The following PLXNC1 variants were observed in gnomAD, a reference collection of about 807,000 sequenced individuals.
PLXNC1 encodes the protein plexin-C1.
A neutral mutation model predicts 178.2 loss-of-function variants in PLXNC1; 75 were observed. The ratio of observed to expected loss-of-function variants is 0.42; its 90% CI spans 0.35 to 0.51. The LOEUF (loss-of-function observed/expected upper bound fraction) is 0.51. Among genes scored for constraint, PLXNC1 ranks in the 20% least tolerant of loss-of-function variants. The pLI is 0.02. For missense variants in PLXNC1, 1,503 were observed against 1,984.4 expected (o/e 0.76, Z 4.61); for synonymous variants, 790 against 779.9 (o/e 1.01, Z -0.22).
At chr12:94,232,550 A>G (rs1280657242) in intron 9 of PLXNC1, among the ~76,000 whole-genome samples, 1 of 152,202 alleles carries the variant, frequency 6.6e-6, no homozygotes, top group Non-Finnish European at 1.5e-5. Flanking sequence ...ATTAACTTAC[A>G]ATCATTCATT....
rs569139826 is a variant in PLXNC1 at position 94,213,088 on chromosome 12, G to A, written c.1554+3384G>A. Among the ~76,000 whole-genome samples, 126 of 152,308 alleles carry A rather than the reference G, an allele frequency of 8.3e-4. 1 individual carries two copies. Among genetic ancestry groups the A allele is most frequent in the Middle Eastern group, 6.8e-3 (2 of 294 alleles). On this transcript the variant is annotated intron_variant, in intron 5 of 30. Transcript: ENST00000258526. The stretch of plus-strand genomic sequence containing the variant: ...TGGGTTGGTTCCAAGTCTTTGCTAT[G>A]GTGAATAGTGCTGCAATATACTTAC...
At chr12:94,252,208 C>T (rs1198200358) in intron 15 of PLXNC1, among the ~76,000 whole-genome samples, 1 of 152,064 alleles carries the variant, frequency 6.6e-6, no homozygotes. Context: ...TCTTGACCAC[C>T]CCCCACCACC....
intron 11 of PLXNC1, among the ~76,000 whole-genome samples, chr12:94,242,806 C>T (rs1964425988): frequency 1.3e-5 from 2 of 152,310 alleles, no homozygotes; most frequent in South Asian, 4.1e-4. Context: ...TTTATGAGAT[C>T]TGCTATGGCT....
intron 14 of PLXNC1, among the ~76,000 whole-genome samples, chr12:94,250,847 C>T (rs1167851011): frequency 1.3e-5 from 2 of 151,800 alleles, no homozygotes; most frequent in African/African-American, 2.4e-5. Flanking sequence ...AGTGAGACCC[C>T]GTCTCTACAA....
chr12:94,200,910 G>A (rs148644651), intron 4 of PLXNC1, among the ~76,000 whole-genome samples: 25 of 152,270 alleles, frequency 1.6e-4, no homozygotes, highest in Non-Finnish European at 3.1e-4. Flanking sequence ...TTTCCACCAC[G>A]CCAGTGAACA....
In PLXNC1 at chr12:94,247,943, C is replaced by A. The variant is rs753072034; in HGVS notation, c.2429C>A (p.Ala810Asp). The A allele has an allele frequency of 1.2e-6, 2 of 1,613,996 alleles. No homozygotes were observed. Among genetic ancestry groups the A allele is most frequent in the East Asian group, 2.2e-5 (1 of 44,874 alleles). The change falls in exon 13 of 31, where the codon GCC (alanine) becomes GAC (aspartate). Residue 810 changes from alanine (A) to aspartate (D), a missense_variant. This residue lies in a region of PLXNC1 where 639 missense variants were observed against 979.7 expected (regional missense o/e 0.65). Coordinates refer to ENST00000258526, the MANE Select transcript of PLXNC1 (RefSeq NM_005761.3). ...GTGGCGACTTACTGCGGGTTTTTAG[C>A]CCCCAGTTTAAAGAGTTCAAAAGTG... Reference protein sequence around the residue: ...YCVATYCGFLAPSLKSSKVRT... With the variant: ...YCVATYCGFLDPSLKSSKVRT...
intron 1 of PLXNC1, among the ~76,000 whole-genome samples, 161 bp downstream of exon 1, chr12:94,150,194 C>T (rs79472840): frequency 0.051 from 7,694 of 152,232 alleles, 243 homozygotes; most frequent in Middle Eastern, 0.068. Context: ...CCGAAGGCTC[C>T]TCTCGGACGG....
intron 20 of PLXNC1, among the ~76,000 whole-genome samples, chr12:94,263,188 TCCTCCCCCACCG>T (rs1300573095): frequency 1.3e-5 from 2 of 151,830 alleles, no homozygotes; most frequent in African/African-American, 4.8e-5. Flanking sequence ...ATCAGAATCC[TCCTCCCCCACCG>T]CCTCCCCGCC....
intron 5 of PLXNC1, among the ~76,000 whole-genome samples, chr12:94,212,147 G>C (rs1054314960): frequency 6.6e-6 from 1 of 151,494 alleles, no homozygotes; most frequent in Non-Finnish European, 1.5e-5. Context: ...GGTGGCGGGC[G>C]CCTGTAGTCC....
intron 23 of PLXNC1, among the ~76,000 whole-genome samples, chr12:94,284,087 G>GA (rs796439911): frequency 0.042 from 3,494 of 82,414 alleles, 128 homozygotes; most frequent in African/African-American, 0.11. Context: ...CATGTCAGGG[G>GA]AAAAAAAAAA....
At chr12:94,285,158 AGAGAAGACAG>A (rs1455960347) in intron 23 of PLXNC1, among the ~76,000 whole-genome samples, 1 of 152,160 alleles carries the variant, frequency 6.6e-6, no homozygotes, top group East Asian at 1.9e-4. Context: ...GTGCTTTCCT[AGAGAAGACAG>A]GAGGAGGAGC....
rs1370701684 is a variant in PLXNC1, at chr12:94,305,411, T to C, written c.*126T>C. The C allele has an allele frequency of 3.2e-6, 2 of 625,628 alleles. No individual in the cohort carries two copies. Among genetic ancestry groups the C allele is most frequent in the Admixed American group, 2.8e-5 (1 of 35,530 alleles). 38.8% of individuals were successfully genotyped at this position (625,628 alleles called of 1,614,324 possible). On this transcript the variant is annotated 3_prime_UTR_variant, in exon 31 of 31. Transcript: ENST00000258526. ...TAGGTTCCACTTTGGGCACTGTCTT[T>C]TTAAGAGACCAAGGCACATGCACAG...
intron 22 of PLXNC1, 26 bp from the exon 23 acceptor site, chr12:94,282,272 A>T: frequency 6.5e-7 from 1 of 1,544,098 alleles, no homozygotes; most frequent in South Asian, 1.1e-5. Context: ...AAACTCTCTA[A>T]AAAGGAACAA....
intron 10 of PLXNC1, 103 bp from the exon 11 acceptor site, chr12:94,240,382 T>C (rs371392164): frequency 3.5e-6 from 3 of 862,974 alleles, no homozygotes; most frequent in East Asian, 2.6e-5. Flanking sequence ...TGCTCCTTCA[T>C]GAAGTGTTGT....
intron 5 of PLXNC1, among the ~76,000 whole-genome samples, chr12:94,214,226 A>G (rs981441797): frequency 3.3e-5 from 5 of 152,056 alleles, no homozygotes; most frequent in African/African-American, 1.2e-4. Context: ...CTGGGACTAC[A>G]GGTGTGAACC....
At chr12:94,263,916 A>G (rs1965082374) in intron 20 of PLXNC1, among the ~76,000 whole-genome samples, 1 of 152,076 alleles carries the variant, frequency 6.6e-6, no homozygotes, top group African/African-American at 2.4e-5. Flanking sequence ...TGGGATGCTG[A>G]GAGACTTAAG....
intron 2 of PLXNC1, among the ~76,000 whole-genome samples, chr12:94,180,394 C>T (rs1345820774): frequency 1.3e-5 from 2 of 152,208 alleles, no homozygotes; most frequent in African/African-American, 4.8e-5. Flanking sequence ...CATATATTCT[C>T]TTAACCCCTG....
intron 21 of PLXNC1, among the ~76,000 whole-genome samples, chr12:94,276,129 C>T (rs535256003): frequency 4.8e-4 from 73 of 152,182 alleles, no homozygotes; most frequent in African/African-American, 1.7e-3. Flanking sequence ...TTGTTAAAGA[C>T]AATAGTGCCT....
At chr12:94,289,432 C>T (rs1967052586) in intron 23 of PLXNC1, among the ~76,000 whole-genome samples, 1 of 152,174 alleles carries the variant, frequency 6.6e-6, no homozygotes, top group African/African-American at 2.4e-5. Flanking sequence ...CCGTGCGTAC[C>T]AGTTCTGCTC....
Sources: allele counts gnomAD v4.1 joint callset (sites outside exome capture counted in the v4.1 genomes callset), GRCh38; gene constraint gnomAD v4.1.1; regional missense constraint gnomAD v4.1.1; transcripts MANE v1.5; gene names NCBI Gene and HGNC (gene_info 2026-07-23, HGNC 2026-07-21).